The following IVD variants were observed in gnomAD, a reference collection of about 807,000 sequenced individuals.
The protein encoded by IVD is isovaleryl-CoA dehydrogenase, also known as isovaleryl-CoA dehydrogenase, mitochondrial.
In IVD, 31 loss-of-function variants were observed where a neutral mutation model predicts 51.3. The ratio of observed to expected loss-of-function variants is 0.60; its 90% CI spans 0.45 to 0.81. The LOEUF (loss-of-function observed/expected upper bound fraction) is 0.81. Among genes scored for constraint, IVD ranks in the 40% least tolerant of loss-of-function variants. The pLI, the probability that IVD is intolerant of heterozygous loss-of-function variation, is 0.00. For synonymous variants in IVD, 205 were observed against 219.4 expected (o/e 0.93, Z 0.58); for missense variants, 475 against 552.0 (o/e 0.86, Z 1.40).
chr15:40,411,112 T>G, intron 4 of IVD, 148 bp from the exon 5 acceptor site: 2 of 858,846 alleles, frequency 2.3e-6, no homozygotes, highest in East Asian at 2.4e-5. Flanking sequence ...GCCATTGGGC[T>G]TAGAAGAGAC....
intron 11 of IVD, among the ~76,000 whole-genome samples, chr15:40,417,589 T>G (rs923151023): frequency 6.6e-6 from 1 of 152,160 alleles, no homozygotes; most frequent in East Asian, 1.9e-4. Flanking sequence ...GCTTGAAGTG[T>G]TGTGCCATGC....
chr15:40,406,537 T>TA (rs1890436621), intron 1 of IVD, among the ~76,000 whole-genome samples: 1 of 152,244 alleles, frequency 6.6e-6, no homozygotes, highest in East Asian at 1.9e-4. Context: ...CTCACACCTG[T>TA]AATCCTAGCA....
In IVD at chr15:40,405,853, G is replaced by C. The variant is rs771358017; in HGVS notation, c.26G>C (p.Gly9Ala). The change falls in exon 1 of 12, where the codon GGG becomes GCG. Residue 9 changes from glycine to alanine, a missense_variant. Coordinates refer to ENST00000487418, the MANE Select transcript of IVD (RefSeq NM_002225.5). The stretch of plus-strand genomic sequence containing the variant: ...ATGGCGACTGCGACTCGGCTGCTGG[G>C]GTGGCGTGTGGCGAGCTGGAGGCTG... The part of the protein sequence containing the change: MATATRLL[G>A]WRVASWRLRP... The C allele has an allele frequency of 9.9e-6, 16 of 1,612,792 alleles. No homozygotes were observed. In the East Asian group the frequency reaches 3.6e-4, roughly 36 times the overall value.
downstream of IVD, chr15:40,424,167 C>A (rs915415359): frequency 3.1e-6 from 4 of 1,288,128 alleles, no homozygotes; most frequent in African/African-American, 6.1e-5. Context: ...CTACACTGAA[C>A]CAGTGAACTA....
At chr15:40,414,314 G>A (rs1376800341) in intron 7 of IVD, 2 of 160,256 alleles carry the variant, frequency 1.2e-5, no homozygotes, top group Non-Finnish European at 2.8e-5. Context: ...AAAAAATTCA[G>A]CTAGCATTAA....
rs1294694357 is a variant in IVD at position 40,416,368 on chromosome 15, T to G, written c.1138+6T>G. 1.2e-6 allele frequency: 2 copies of G among 1,613,192 alleles called. No individual in the cohort carries two copies. The highest frequency in any genetic ancestry group is 1.7e-6 in the Non-Finnish European group (2 of 1,179,638). The stretch of plus-strand genomic sequence containing the variant: ...GGACGGCATTCAGTGTTTTGGTGAG[T>G]GATCCCCACTTCCCAGTCCCGGGGC... On this transcript the variant is annotated splice_donor_region_variant and intron_variant, in intron 11 of 11. Transcript: ENST00000487418.
At chr15:40,407,769 G>C (rs1377634873) in intron 2 of IVD, 44 bp downstream of exon 2, 2 of 1,545,082 alleles carry the variant, frequency 1.3e-6, no homozygotes, top group Non-Finnish European at 1.8e-6. Context: ...CAGGGAGTGG[G>C]GCTGAGCTGC....
downstream of IVD, chr15:40,435,739 G>C (rs1021905389): frequency 3.0e-6 from 3 of 989,260 alleles, no homozygotes. Flanking sequence ...GCTGAAACTG[G>C]TACTCGGCGC....
At chr15:40,408,803 A>G (rs773876178) in intron 3 of IVD, among the ~76,000 whole-genome samples, 13 of 152,120 alleles carry the variant, frequency 8.5e-5, no homozygotes, top group Non-Finnish European at 1.5e-4. Context: ...ATACAAAATT[A>G]GCTGGTCATG....
chr15:40,415,329 C>G (rs970104861), intron 8 of IVD, 72 bp from the exon 9 acceptor site: 2 of 1,323,094 alleles, frequency 1.5e-6, no homozygotes, highest in Admixed American at 3.4e-5. Flanking sequence ...GGCCTTCCCA[C>G]GCTAGCATTT....
chr15:40,415,655 G>A (rs1891589458), intron 9 of IVD, among the ~76,000 whole-genome samples, 173 bp downstream of exon 9: 1 of 152,216 alleles, frequency 6.6e-6, no homozygotes, highest in Non-Finnish European at 1.5e-5. Flanking sequence ...GAAGTCATCA[G>A]GAAGTTCACC....
At chr15:40,406,272 G>C (rs1398587244) in intron 1 of IVD, 4 of 1,449,878 alleles carry the variant, frequency 2.8e-6, no homozygotes, top group Non-Finnish European at 3.7e-6. Flanking sequence ...TTTGGTGGAG[G>C]ATTGGCCAGG....
At chr15:40,415,322 CT>C in intron 8 of IVD, 78 bp from the exon 9 acceptor site, 1 of 1,256,380 alleles carries the variant, frequency 8.0e-7, no homozygotes, top group Non-Finnish European at 1.2e-6. Flanking sequence ...GGATTCTGGC[CT>C]TCCCACGCTA....
In IVD at chr15:40,414,877, T is replaced by A. The variant is rs372375638; in HGVS notation, c.785-12T>A. 35 of 1,613,900 alleles carry A rather than the reference T, an allele frequency of 2.2e-5. No individual in the cohort carries two copies. Among genetic ancestry groups the A allele is most frequent in the Non-Finnish European group, 1.1e-5 (13 of 1,179,934 alleles). On this transcript the variant is annotated splice_polypyrimidine_tract_variant and intron_variant, in intron 7 of 11. Coordinates refer to ENST00000487418, the MANE Select transcript of IVD (RefSeq NM_002225.5). ...ACAGCTCTCTCCCTCTGACCAGCAC[T>A]TATCCTGGCAGCTGCCAACATCCTG...
At chr15:40,433,349 G>A (rs754758306) in intron 7 of IVD, among the ~76,000 whole-genome samples, 54 of 152,286 alleles carry the variant, frequency 3.5e-4, no homozygotes, top group Admixed American at 2.0e-4. Context: ...CGTATGTTGA[G>A]TGCCTGTTCA....
Position 40,411,582 on chromosome 15 carries a change from A to T in IVD, c.578A>T (p.Lys193Met). 2 of 1,614,218 alleles carry T rather than the reference A, an allele frequency of 1.2e-6. No individual in the cohort carries two copies. The highest frequency in any genetic ancestry group is 2.2e-5 in the South Asian group (2 of 91,084). ...KGNHYILNGN[K>M]FWITNGPDAD... ...AATCACTACATCCTGAATGGCAACA[A>T]GTTCTGGATCACTAATGGCCCTGAT... Residue 193 changes from lysine (K) to methionine (M), a missense_variant, in exon 6 of 12, where the codon AAG (lysine) becomes ATG (methionine). Lys to Met is a moderately conservative substitution (Grantham distance 95). Coordinates refer to ENST00000487418, the MANE Select transcript of IVD (RefSeq NM_002225.5).
intron 6 of IVD, chr15:40,412,789 G>C: frequency 1.7e-6 from 1 of 585,980 alleles, no homozygotes; most frequent in Admixed American, 2.8e-5. Flanking sequence ...GAGAACACAA[G>C]CTAGTGGCAG....
At chr15:40,422,585 C>CTTTTTTTTTTTTTTTTTTTTT (rs1157351420), downstream of IVD, among the ~76,000 whole-genome samples, 7 of 69,150 alleles carry the variant, frequency 1.0e-4, no homozygotes, top group Admixed American at 3.2e-4. Flanking sequence ...GCCCGGCCGA[C>CTTTTTTTTTTTTTTTTTTTTT]TTTTTTTTTT....
At chr15:40,435,779 T>C (rs1439418944), downstream of IVD, 4 of 907,880 alleles carry the variant, frequency 4.4e-6, no homozygotes, top group Admixed American at 6.1e-5. Context: ...CCCCTACCTA[T>C]GGCAGCCTGC....
Sources: gnomAD v4.1 joint callset for allele counts (sites outside exome capture counted in the v4.1 genomes callset) on GRCh38, gnomAD v4.1.1 for gene constraint, MANE v1.5 for transcripts, NCBI Gene and HGNC (gene_info 2026-07-23, HGNC 2026-07-21) for gene names.